GRM8: variants seen among roughly 807,000 people sequenced by gnomAD.
The protein encoded by GRM8 is metabotropic glutamate receptor 8.
Under a neutral mutation model 87.2 loss-of-function variants are expected in GRM8, and 47 were observed. The observed-to-expected ratio is 0.54, with a 90% CI of 0.43 to 0.69. GRM8 has a LOEUF of 0.69. Among genes scored for constraint, GRM8 ranks in the 30% least tolerant of loss-of-function variants. The pLI, the probability that GRM8 is intolerant of heterozygous loss-of-function variation, is 0.00. For synonymous variants in GRM8, 396 were observed against 404.5 expected, an observed-to-expected ratio of 0.98 and a Z score of 0.25; for missense variants, 1,019 against 1,139.2, an observed-to-expected ratio of 0.89 and a Z score of 1.52.
intron 2 of GRM8, among the ~76,000 whole-genome samples, chr7:127,161,271 A>G (rs1793098521): frequency 6.6e-6 from 1 of 152,146 alleles, no homozygotes; most frequent in Non-Finnish European, 1.5e-5. Context: ...GCAAAGAAGG[A>G]AAAGAGGAGG....
At chr7:127,086,743 C>T (rs17869247) in intron 3 of GRM8, among the ~76,000 whole-genome samples, 1,812 of 152,284 alleles carry the variant, frequency 0.012, 33 homozygotes, top group African/African-American at 0.04. Context: ...AGCATTGTGC[C>T]CATAGCCAGG....
At chr7:127,057,938 T>G in intron 3 of GRM8, 1 of 215,748 alleles carries the variant, frequency 4.6e-6, no homozygotes, top group Non-Finnish European at 9.6e-6. Flanking sequence ...ATATACAAAT[T>G]TAAAAAGAGC....
intron 3 of GRM8, among the ~76,000 whole-genome samples, chr7:127,046,355 G>C (rs1313304428): frequency 6.6e-6 from 1 of 151,694 alleles, no homozygotes; most frequent in Non-Finnish European, 1.5e-5. Context: ...CTGGGCAACA[G>C]AGCGAGACTC....
At chr7:127,160,539 A>G (rs374734669) in intron 2 of GRM8, among the ~76,000 whole-genome samples, 1 of 146,352 alleles carries the variant, frequency 6.8e-6, no homozygotes, top group African/African-American at 2.4e-5. Context: ...GCGCGCGCAC[A>G]CACACACACA....
At chr7:127,122,559 G>A (rs1437129541) in intron 2 of GRM8, among the ~76,000 whole-genome samples, 1 of 150,668 alleles carries the variant, frequency 6.6e-6, no homozygotes, top group Non-Finnish European at 1.5e-5. Flanking sequence ...CAAATTTGAT[G>A]AGACATACAC....
At chr7:126,580,378 T>C (rs4731316) in intron 8 of GRM8, among the ~76,000 whole-genome samples, 110,836 of 152,006 alleles carry the variant, frequency 0.73, 41,279 homozygotes, top group East Asian at 0.94. Context: ...CCCTGGTATT[T>C]CCTATCTTCA....
rs554478147 is a variant in GRM8, at chr7:127,225,746, A to G, written c.510+16949T>C. On this transcript the variant is annotated intron_variant, in intron 2 of 10. Coordinates refer to ENST00000339582, the MANE Select transcript of GRM8 (RefSeq NM_000845.3). ...GGCATTTTCTGACTTAGAAATACTA[A>G]GACAAAACAGATACTAAGTTCCAGA... Among the ~76,000 whole-genome samples the G allele has an allele frequency of 4.0e-5, 6 of 150,666 alleles. No homozygotes were observed. In the South Asian group the frequency reaches 1.3e-3, roughly 31 times the overall value.
At chr7:126,904,764 C>T in intron 3 of GRM8, 81 bp from the exon 4 acceptor site, 1 of 1,211,528 alleles carries the variant, frequency 8.3e-7, no homozygotes, top group South Asian at 1.3e-5. Flanking sequence ...TTTATAAAAG[C>T]ACATACTTCT....
intron 3 of GRM8, among the ~76,000 whole-genome samples, chr7:126,985,859 G>A (rs1812002705): frequency 6.6e-6 from 1 of 152,178 alleles, no homozygotes; most frequent in Admixed American, 6.5e-5. Context: ...ACATACTGGG[G>A]ATTAAGTTTC....
chr7:126,688,786 T>C (rs777883470), intron 7 of GRM8, among the ~76,000 whole-genome samples: 34 of 145,998 alleles, frequency 2.3e-4, no homozygotes, highest in Non-Finnish European at 3.8e-4. Context: ...ACAGTGTCTA[T>C]GGCATGTAAT....
intron 8 of GRM8, among the ~76,000 whole-genome samples, chr7:126,603,057 C>T (rs1797978833): frequency 6.8e-6 from 1 of 147,834 alleles, no homozygotes; most frequent in South Asian, 2.3e-4. Flanking sequence ...TGGCTTCATC[C>T]CTGGGATGCA....
At chr7:127,148,860 G>A (rs1319348778) in intron 2 of GRM8, among the ~76,000 whole-genome samples, 1 of 151,984 alleles carries the variant, frequency 6.6e-6, no homozygotes, top group Non-Finnish European at 1.5e-5. Flanking sequence ...TTCAACAAAT[G>A]GTGCAGGGAA....
At chr7:127,132,214 G>A (rs994491790) in intron 2 of GRM8, among the ~76,000 whole-genome samples, 1 of 152,192 alleles carries the variant, frequency 6.6e-6, no homozygotes, top group Admixed American at 6.5e-5. Flanking sequence ...AGAAGATGAA[G>A]TTGGGACACC....
intron 3 of GRM8, among the ~76,000 whole-genome samples, chr7:126,909,393 G>A (rs1803057157): frequency 6.6e-6 from 1 of 152,156 alleles, no homozygotes; most frequent in Admixed American, 6.5e-5. Context: ...AATTCCTGGG[G>A]TGGGTGGGAG....
intron 9 of GRM8, among the ~76,000 whole-genome samples, chr7:126,496,985 T>TTTTGC (rs912801240): frequency 2.0e-5 from 3 of 151,386 alleles, no homozygotes; most frequent in African/African-American, 7.3e-5. Flanking sequence ...TTTTTTTTTT[T>TTTTGC]TGCTGCTGCT....
At chr7:126,860,002 ATT>A (rs1798016889) in intron 6 of GRM8, among the ~76,000 whole-genome samples, 1 of 16,584 alleles carries the variant, frequency 6.0e-5, no homozygotes, top group African/African-American at 9.6e-4. Flanking sequence ...TAATTCTCAT[ATT>A]TATTTATTTA....
At chr7:126,843,537 C>T (rs1796458308) in intron 6 of GRM8, among the ~76,000 whole-genome samples, 1 of 152,242 alleles carries the variant, frequency 6.6e-6, no homozygotes, top group African/African-American at 2.4e-5. Flanking sequence ...AAAGATACAG[C>T]TGAACACCCA....
chr7:126,443,705 C>A (rs963531064), intron 10 of GRM8, among the ~76,000 whole-genome samples: 2 of 151,944 alleles, frequency 1.3e-5, no homozygotes, highest in African/African-American at 4.8e-5. Flanking sequence ...GAGCATCTGA[C>A]TCCTCCAGAA....
At chr7:126,853,096 A>C (rs574963328) in intron 6 of GRM8, among the ~76,000 whole-genome samples, 1 of 152,284 alleles carries the variant, frequency 6.6e-6, no homozygotes, top group Admixed American at 6.5e-5. Flanking sequence ...TCAAAGAAGG[A>C]TGTATCAGAT....
Sources: allele counts gnomAD v4.1 joint callset (sites outside exome capture counted in the v4.1 genomes callset), GRCh38; gene constraint gnomAD v4.1.1; transcripts MANE v1.5; gene names NCBI Gene and HGNC (gene_info 2026-07-23, HGNC 2026-07-21).